The following PRH1 variants were observed in gnomAD, a reference collection of about 807,000 sequenced individuals.
PRH1 encodes the protein salivary acidic proline-rich phosphoprotein 1/2.
A neutral mutation model predicts 7.9 loss-of-function variants in PRH1; 7 were observed. The ratio of observed to expected loss-of-function variants is 0.89; its 90% CI spans 0.50 to 1.67. The LOEUF (loss-of-function observed/expected upper bound fraction) is 1.67. Ranked by LOEUF, PRH1 falls within the 40% of genes most tolerant of loss-of-function variation. The pLI, the probability that PRH1 is intolerant of heterozygous loss-of-function variation, is 0.00. For synonymous variants in PRH1, 45 were observed against 80.8 expected (o/e 0.56, Z 2.38); for missense variants, 109 against 223.6 (o/e 0.49, Z 3.27).
At position 11,168,294 on chromosome 12, in the gene PRH1, AAG is replaced by A. The variant is rs1947677588; in HGVS notation, n.39+3126_39+3127del. ...AAAGAAAGAAAGAAAGAAAGAAAGA[AAG>A]AAAGAAGGAAGGAAGGAAGGAAGGA... On this transcript the variant is annotated intron_variant and non_coding_transcript_variant, in intron 1 of 1. Coordinates refer to the PRH1 transcript ENST00000541175. Among the ~76,000 whole-genome samples, 80 of 48,074 alleles carry A rather than the reference AAG, an allele frequency of 1.7e-3. 11 individuals are homozygous for A. Among genetic ancestry groups the A allele is most frequent in the Non-Finnish European group, 2.6e-3 (51 of 19,718 alleles). 31.5% of individuals were successfully genotyped at this position (48,074 alleles called of 152,430 possible).
chr12:10,992,052 C>G (rs766228208), intron 1 of PRH1, among the ~76,000 whole-genome samples: 4 of 152,074 alleles, frequency 2.6e-5, no homozygotes, highest in Non-Finnish European at 5.9e-5. Flanking sequence ...GTTGCAAAAG[C>G]TGACTCCTGA....
At chr12:11,130,320 A>G (rs2708350) in intron 1 of PRH1, among the ~76,000 whole-genome samples, 69,045 of 151,884 alleles carry the variant, frequency 0.45, 16,486 homozygotes, top group Non-Finnish European at 0.52. Flanking sequence ...TAAGGTTTTT[A>G]GTGTCCCTAG....
At chr12:10,892,230 T>C (rs1470509873) in intron 2 of PRH1, among the ~76,000 whole-genome samples, 1 of 152,182 alleles carries the variant, frequency 6.6e-6, no homozygotes, top group Non-Finnish European at 1.5e-5. Context: ...CATGCAGAAG[T>C]GCAATACATT....
At chr12:10,984,759 ATT>A (rs1939521394) in intron 1 of PRH1, among the ~76,000 whole-genome samples, 1 of 152,032 alleles carries the variant, frequency 6.6e-6, no homozygotes. Flanking sequence ...GATGTTATAC[ATT>A]TTCTTCCTAT....
intron 1 of PRH1, among the ~76,000 whole-genome samples, chr12:11,096,556 G>A (rs1945072983): frequency 8.6e-6 from 1 of 115,688 alleles, no homozygotes; most frequent in African/African-American, 2.9e-5. Flanking sequence ...AAAGAAGAGA[G>A]TAAAAGCAGG....
chr12:11,057,900 C>A (rs1009504196), intron 1 of PRH1, among the ~76,000 whole-genome samples: 103 of 152,370 alleles, frequency 6.8e-4, no homozygotes, highest in Non-Finnish European at 3.4e-4. Context: ...TATGTCACTT[C>A]TGTTCTCTGT....
chr12:11,093,681 T>C (rs1295157923), intron 1 of PRH1, among the ~76,000 whole-genome samples: 1 of 115,562 alleles, frequency 8.7e-6, no homozygotes, highest in African/African-American at 2.9e-5. Flanking sequence ...TATCCTCCTA[T>C]CACAGGAAGA....
chr12:11,049,148 TA>T, upstream of PRH1: 1 of 758,122 alleles, frequency 1.3e-6, no homozygotes, highest in Non-Finnish European at 1.9e-6. Context: ...TTTTGTGTCT[TA>T]ACCCACTCAA....
At chr12:10,939,198 C>T (rs751852271) in intron 2 of PRH1, 3 of 1,563,576 alleles carry the variant, frequency 1.9e-6, no homozygotes, top group Admixed American at 3.6e-5. Flanking sequence ...CTCTTTATGA[C>T]ACCACCCATT....
intron 1 of PRH1, among the ~76,000 whole-genome samples, chr12:11,032,333 G>A (rs891331151): frequency 1.3e-5 from 2 of 152,064 alleles, no homozygotes; most frequent in East Asian, 1.9e-4. Context: ...TCACCAATGC[G>A]GACTTTTTTA....
At chr12:11,027,460 T>C (rs79809557) in intron 1 of PRH1, among the ~76,000 whole-genome samples, 8,064 of 71,792 alleles carry the variant, frequency 0.11, no homozygotes, top group Non-Finnish European at 0.15. Flanking sequence ...GACCACACGT[T>C]GAAACAATCT....
chr12:11,021,687 C>T (rs77837442), intron 1 of PRH1: 20,438 of 1,558,996 alleles, frequency 0.013, 128 homozygotes, highest in Non-Finnish European at 0.015. Flanking sequence ...GTGTCATCTG[C>T]CACAAAACTG....
chr12:11,148,638 C>G (rs1946950828), intron 1 of PRH1, among the ~76,000 whole-genome samples: 1 of 123,056 alleles, frequency 8.1e-6, no homozygotes, highest in Non-Finnish European at 1.9e-5. Flanking sequence ...GGATGAAGCC[C>G]ACTTGATCAT....
chr12:10,901,414 G>T (rs1949722026), intron 2 of PRH1, among the ~76,000 whole-genome samples: 1 of 152,152 alleles, frequency 6.6e-6, no homozygotes, highest in Non-Finnish European at 1.5e-5. Flanking sequence ...CAGAACTCTG[G>T]TCACTTGGTA....
At chr12:10,908,559 C>G (rs759774725) in intron 2 of PRH1, 1 of 1,613,864 alleles carries the variant, frequency 6.2e-7, no homozygotes, top group South Asian at 1.1e-5. Flanking sequence ...TATGAGAACA[C>G]ATAGAAAGAA....
downstream of PRH1, among the ~76,000 whole-genome samples, chr12:11,118,294 G>A (rs1241375600): frequency 6.6e-6 from 1 of 152,070 alleles, no homozygotes; most frequent in Non-Finnish European, 1.5e-5. Flanking sequence ...CAAGATATAC[G>A]AATGTCAAAC....
intron 1 of PRH1, among the ~76,000 whole-genome samples, chr12:10,978,069 C>T (rs1367378361): frequency 1.5e-5 from 2 of 134,326 alleles, no homozygotes; most frequent in Non-Finnish European, 3.3e-5. Context: ...TTTTAAAGTT[C>T]ATATGGAATA....
chr12:11,110,763 C>T (rs1050044687), intron 1 of PRH1, among the ~76,000 whole-genome samples: 1 of 152,076 alleles, frequency 6.6e-6, no homozygotes, highest in African/African-American at 2.4e-5. Context: ...GCAAAATAAC[C>T]AGCTAGCATC....
At chr12:11,126,473 T>C (rs1327818318) in intron 1 of PRH1, among the ~76,000 whole-genome samples, 1 of 152,272 alleles carries the variant, frequency 6.6e-6, no homozygotes, top group Non-Finnish European at 1.5e-5. Flanking sequence ...TTGATTGCTG[T>C]ATAGTATTCT....
Sources: allele counts gnomAD v4.1 joint callset (sites outside exome capture counted in the v4.1 genomes callset), GRCh38; gene constraint gnomAD v4.1.1; transcripts MANE v1.5; gene names NCBI Gene and HGNC (gene_info 2026-07-23, HGNC 2026-07-21).